The following CYRIB variants were observed in gnomAD, a reference collection of about 807,000 sequenced individuals.
CYRIB encodes CYFIP-related Rac1 interactor B.
CYRIB carries 8 observed loss-of-function variants against 44.2 expected under a neutral mutation model. The ratio of observed to expected loss-of-function variants is 0.18; its 90% CI spans 0.11 to 0.33. The LOEUF is 0.33. Ranked by LOEUF, CYRIB falls within the 10% of genes least tolerant of loss-of-function variation. The pLI is 1.00. For missense variants in CYRIB, 185 were observed against 382.8 expected (o/e 0.48, Z 4.31); for synonymous variants, 131 against 127.2 (o/e 1.03, Z -0.20).
At chr8:129,991,960 A>AC (rs2096645022) in intron 1 of CYRIB, among the ~76,000 whole-genome samples, 1 of 148,354 alleles carries the variant, frequency 6.7e-6, no homozygotes, top group African/African-American at 2.5e-5. Context: ...AAAAAAAAAA[A>AC]AAAAAAAAAA....
intron 8 of CYRIB, 188 bp from the exon 11 acceptor site, chr8:129,851,102 C>T: frequency 1.8e-6 from 1 of 563,002 alleles, no homozygotes; most frequent in Non-Finnish European, 3.1e-6. Flanking sequence ...ATGAGCAAGA[C>T]AGCGAAGGCA....
rs112492368 is a variant in CYRIB at position 129,862,401 on chromosome 8, A to G, written c.196-67T>C. On this transcript the variant is annotated intron_variant, in intron 4 of 11. Transcript: ENST00000519824. ...AAAAAAGGTTCATTTTTACATTAAA[A>G]TGTAGGCTTTAGCAAACATAGGAAA... The G allele has an allele frequency of 5.2e-5, 65 of 1,240,200 alleles. No homozygotes were observed. The African/African-American group carries it at 7.7e-4, about 15-fold the overall frequency. 76.8% of individuals were successfully genotyped at this position (1,240,200 alleles called of 1,614,324 possible).
chr8:129,975,898 T>C (rs2095894412), intron 1 of CYRIB, among the ~76,000 whole-genome samples: 1 of 152,118 alleles, frequency 6.6e-6, no homozygotes. Flanking sequence ...AGCACCATAT[T>C]GCTCCAAAGC....
chr8:129,999,104 T>C (rs1371442327), intron 1 of CYRIB, among the ~76,000 whole-genome samples: 3 of 152,022 alleles, frequency 2.0e-5, no homozygotes, highest in African/African-American at 2.4e-5. Flanking sequence ...AACAGAGGAA[T>C]TGTCCCATGC....
chr8:129,967,773 G>T (rs1591385739), intron 2 of CYRIB, among the ~76,000 whole-genome samples: 1 of 152,208 alleles, frequency 6.6e-6, no homozygotes, highest in African/African-American at 2.4e-5. Context: ...TGAATATTTT[G>T]CCCTCAATGG....
At chr8:129,991,941 C>A (rs62524594) in intron 1 of CYRIB, among the ~76,000 whole-genome samples, 2 of 29,800 alleles carry the variant, frequency 6.7e-5, no homozygotes, top group African/African-American at 5.2e-4. Context: ...ACAGCAGAGT[C>A]GCAAAAAAAA....
chr8:129,929,723 T>C (rs2090109687), intron 1 of CYRIB, among the ~76,000 whole-genome samples: 1 of 152,166 alleles, frequency 6.6e-6, no homozygotes. Flanking sequence ...TGATTTTCAC[T>C]TTCTGCCTTT....
chr8:130,003,704 G>A (rs2096961827), intron 1 of CYRIB, among the ~76,000 whole-genome samples: 1 of 152,244 alleles, frequency 6.6e-6, no homozygotes, highest in Non-Finnish European at 1.5e-5. Flanking sequence ...GGTTTTAGGT[G>A]TCCAAGGTGT....
upstream of CYRIB, among the ~76,000 whole-genome samples, chr8:129,944,149 T>C (rs965349336): frequency 1.3e-5 from 2 of 152,068 alleles, no homozygotes; most frequent in Non-Finnish European, 2.9e-5. Flanking sequence ...CAGGTATGTT[T>C]TATATCAGGA....
At chr8:130,003,891 G>A (rs2096967042) in intron 1 of CYRIB, among the ~76,000 whole-genome samples, 2 of 152,226 alleles carry the variant, frequency 1.3e-5, no homozygotes, top group Middle Eastern at 3.2e-3. Flanking sequence ...GGAGGCCGAA[G>A]CCCTTTCAGA....
At chr8:129,962,083 T>C (rs1226227599) in intron 2 of CYRIB, among the ~76,000 whole-genome samples, 1 of 151,930 alleles carries the variant, frequency 6.6e-6, no homozygotes, top group Non-Finnish European at 1.5e-5. Flanking sequence ...ACCCCTTCTC[T>C]AAACATACAA....
At chr8:129,950,291 C>T (rs927096297) in intron 2 of CYRIB, among the ~76,000 whole-genome samples, 7 of 152,012 alleles carry the variant, frequency 4.6e-5, no homozygotes, top group Admixed American at 1.3e-4. Context: ...AGACAGTGTC[C>T]GGGCACTGTG....
At chr8:129,841,474 A>C (rs1554647759) in exon 12 of CYRIB, 1 of 152,808 alleles carries the variant, frequency 6.5e-6, no homozygotes, top group East Asian at 1.9e-4. Flanking sequence ...CCACACTTAG[A>C]AAAATGAAAG....
chr8:129,924,643 C>T (rs1238016485), intron 1 of CYRIB, among the ~76,000 whole-genome samples: 1 of 151,964 alleles, frequency 6.6e-6, no homozygotes, highest in Non-Finnish European at 1.5e-5. Flanking sequence ...TTGGTCACTC[C>T]CAAGTTATAA....
At chr8:129,943,227 C>T (rs925720599), upstream of CYRIB, among the ~76,000 whole-genome samples, 7 of 151,944 alleles carry the variant, frequency 4.6e-5, no homozygotes, top group East Asian at 1.4e-3. Flanking sequence ...CAAAGCATGA[C>T]TCGTTGTAAT....
At chr8:129,951,671 A>G (rs977606209) in intron 2 of CYRIB, among the ~76,000 whole-genome samples, 11 of 150,560 alleles carry the variant, frequency 7.3e-5, no homozygotes, top group Admixed American at 7.3e-4. Flanking sequence ...GTGCCACTGC[A>G]CTCCAGCCTG....
chr8:129,846,382 G>A (rs1179709561), intron 11 of CYRIB, among the ~76,000 whole-genome samples: 1 of 152,102 alleles, frequency 6.6e-6, no homozygotes, highest in Non-Finnish European at 1.5e-5. Flanking sequence ...ATCTATATAT[G>A]TAAAGAAAAA....
intron 1 of CYRIB, among the ~76,000 whole-genome samples, chr8:129,927,533 T>C (rs995587156): frequency 6.6e-6 from 1 of 152,252 alleles, no homozygotes; most frequent in Non-Finnish European, 1.5e-5. Flanking sequence ...ACAAGAACAA[T>C]GAGCGTAGGC....
intron 3 of CYRIB, 113 bp from the exon 6 acceptor site, chr8:129,871,609 A>G: frequency 9.4e-7 from 1 of 1,064,860 alleles, no homozygotes; most frequent in Non-Finnish European, 1.4e-6. Context: ...AATTCTAGTT[A>G]ATGTTAACTT....
Sources: gnomAD v4.1 joint callset for allele counts (sites outside exome capture counted in the v4.1 genomes callset) on GRCh38, gnomAD v4.1.1 for gene constraint, MANE v1.5 for transcripts, NCBI Gene and HGNC (gene_info 2026-07-23, HGNC 2026-07-21) for gene names.